IMPG1: variants seen among roughly 807,000 people sequenced by gnomAD.
The protein encoded by IMPG1 is interphotoreceptor matrix proteoglycan of 150 kDa.
Under a neutral mutation model 92.0 loss-of-function variants are expected in IMPG1, and 85 were observed. That is an observed-to-expected ratio of 0.92 (90% CI 0.78 to 1.11). The LOEUF is 1.11. IMPG1 is among the 50% of genes least tolerant of loss of function. The pLI is 0.00. For missense variants in IMPG1, 1,022 were observed against 956.0 expected (o/e 1.07, Z -0.91); for synonymous variants, 367 against 334.1 (o/e 1.10, Z -1.08).
intron 4 of IMPG1, among the ~76,000 whole-genome samples, chr6:76,029,923 C>T (rs1395549411): frequency 6.6e-6 from 1 of 152,088 alleles, no homozygotes; most frequent in African/African-American, 2.4e-5. Flanking sequence ...GTCCATGTAA[C>T]CCCCCGAGAC....
chr6:76,042,605 T>G (rs1783865263), intron 1 of IMPG1, among the ~76,000 whole-genome samples: 1 of 152,078 alleles, frequency 6.6e-6, no homozygotes, highest in African/African-American at 2.4e-5. Context: ...CCCTAGGAAT[T>G]CTATATGGGC....
intron 13 of IMPG1, among the ~76,000 whole-genome samples, chr6:75,948,467 G>A (rs1781967787): frequency 1.3e-5 from 2 of 152,012 alleles, no homozygotes. Flanking sequence ...ATTTGCCCCT[G>A]TCCCCACCCC....
At chr6:76,046,917 A>G (rs192512356) in intron 1 of IMPG1, among the ~76,000 whole-genome samples, 1 of 152,330 alleles carries the variant, frequency 6.6e-6, no homozygotes, top group Non-Finnish European at 1.5e-5. Flanking sequence ...GTAGAATAAC[A>G]TTTTATAAAT....
chr6:75,979,068 ATACC>A (rs1481782178), intron 12 of IMPG1, among the ~76,000 whole-genome samples: 2 of 151,644 alleles, frequency 1.3e-5, no homozygotes, highest in African/African-American at 4.8e-5. Flanking sequence ...GTGTGCCACC[ATACC>A]TACCTATTTT....
chr6:76,028,318 T>G (rs936874231), intron 4 of IMPG1, among the ~76,000 whole-genome samples: 2 of 152,192 alleles, frequency 1.3e-5, no homozygotes, highest in African/African-American at 4.8e-5. Context: ...CGCAAATACA[T>G]GATTCTGTTA....
At chr6:76,018,390 A>G (rs1317702792) in intron 7 of IMPG1, among the ~76,000 whole-genome samples, 1 of 152,208 alleles carries the variant, frequency 6.6e-6, no homozygotes, top group Non-Finnish European at 1.5e-5. Flanking sequence ...TTAGGCTACT[A>G]TTGACCTTCT....
intron 12 of IMPG1, among the ~76,000 whole-genome samples, chr6:75,953,630 T>C (rs1488846969): frequency 6.6e-6 from 1 of 151,996 alleles, no homozygotes; most frequent in Non-Finnish European, 1.5e-5. Context: ...ATTTTTATTA[T>C]ACTTTAAGTT....
At chr6:76,071,276 A>C (rs1294923367) in intron 1 of IMPG1, among the ~76,000 whole-genome samples, 1 of 150,358 alleles carries the variant, frequency 6.7e-6, no homozygotes, top group East Asian at 1.9e-4. Context: ...AATGTAACAA[A>C]AAATTTAACA....
intron 12 of IMPG1, among the ~76,000 whole-genome samples, chr6:75,993,442 G>T (rs967080127): frequency 2.0e-5 from 3 of 151,838 alleles, no homozygotes; most frequent in Non-Finnish European, 4.4e-5. Context: ...TCCTCTAGTT[G>T]TATCCCCACA....
In IMPG1 at chr6:75,923,634, C is replaced by T. The variant is rs771935979; in HGVS notation, c.2316G>A (p.Lys772=). Residue 772 remains lysine (K), a splice_region_variant and synonymous_variant, in exon 16 of 17, where the codon AAG becomes AAA. Coordinates refer to ENST00000369950, the MANE Select transcript of IMPG1 (RefSeq NM_001563.4). The stretch of plus-strand genomic sequence containing the variant: ...ACCAACTTAGAAAGTATGATTTTAC[C>T]TTGTTATTTTGTTGATTTTGGAACT... ...VKKFQNQQNN[K]VISKRNSELL... is the part of the protein sequence containing the mutation. 2.7e-6 allele frequency: 4 copies of T among 1,466,552 alleles called. No homozygotes were observed. The highest frequency in any genetic ancestry group is 3.8e-6 in the Non-Finnish European group (4 of 1,048,226). The allele number at this position is 1,466,552 out of a possible 1,614,324, so 90.8% of individuals were successfully genotyped here. A position where few individuals can be genotyped will look rare whatever the true frequency, so the allele number is the denominator to read the frequency against.
At chr6:75,976,626 C>A (rs73466816) in intron 12 of IMPG1, among the ~76,000 whole-genome samples, 1,531 of 151,876 alleles carry the variant, frequency 0.01, 33 homozygotes, top group African/African-American at 0.035. Flanking sequence ...ATATTAGAAT[C>A]CTTGGCCAGG....
intron 12 of IMPG1, among the ~76,000 whole-genome samples, chr6:75,993,143 G>GTGTTGTTAATTAGTTATTAACAACTATT (rs1433798163): frequency 2.0e-5 from 3 of 152,000 alleles, no homozygotes; most frequent in Non-Finnish European, 4.4e-5. Context: ...GGAAATTCTG[G>GTGTTGTTAATTAGTTATTAACAACTATT]TGTTGTTAAT....
intron 11 of IMPG1, 34 bp downstream of exon 11, chr6:76,003,840 T>C: frequency 6.6e-7 from 1 of 1,512,554 alleles, no homozygotes; most frequent in East Asian, 2.3e-5. Context: ...GAGACTTTGT[T>C]CCTAGTTAAA....
chr6:75,924,425 A>G (rs868212806), intron 15 of IMPG1, among the ~76,000 whole-genome samples: 21 of 115,724 alleles, frequency 1.8e-4, no homozygotes, highest in African/African-American at 5.3e-4. Context: ...TATATAATAT[A>G]TAATTAATAT....
intron 12 of IMPG1, among the ~76,000 whole-genome samples, chr6:75,992,841 C>G (rs527576055): frequency 6.6e-6 from 1 of 152,258 alleles, no homozygotes; most frequent in East Asian, 1.9e-4. Context: ...CACGAAAGTC[C>G]TTTATACCCT....
chr6:76,011,586 T>C (rs925224550), intron 7 of IMPG1, among the ~76,000 whole-genome samples: 7 of 152,110 alleles, frequency 4.6e-5, no homozygotes, highest in African/African-American at 1.7e-4. Context: ...ATTTTATTTA[T>C]TTATTTTTTT....
intron 12 of IMPG1, among the ~76,000 whole-genome samples, chr6:76,000,358 C>G (rs1478801713): frequency 6.6e-6 from 1 of 152,120 alleles, no homozygotes; most frequent in Non-Finnish European, 1.5e-5. Flanking sequence ...GTGTGATCAC[C>G]ACCTCAATCT....
intron 1 of IMPG1, among the ~76,000 whole-genome samples, chr6:76,044,279 T>C (rs1783894830): frequency 6.6e-6 from 1 of 152,196 alleles, no homozygotes. Flanking sequence ...TGCAATAAAC[T>C]TGTCATAGTA....
Position 76,025,191 on chromosome 6 carries a change from T to C in IMPG1, c.562+3A>G, listed in dbSNP as rs748069096. On this transcript the variant is annotated splice_donor_region_variant and intron_variant, in intron 5 of 16. Transcript: ENST00000369950. ...GAAGCAAAGAAATTAGATCTAAGCT[T>C]ACCTGTTGAAATGACAATGGTTTCA... The C allele has an allele frequency of 6.4e-7, 1 of 1,571,426 alleles. No homozygotes were observed. Among genetic ancestry groups the C allele is most frequent in the Non-Finnish European group, 8.7e-7 (1 of 1,143,308 alleles).
Sources: gnomAD v4.1 joint callset for allele counts (sites outside exome capture counted in the v4.1 genomes callset) on GRCh38, gnomAD v4.1.1 for gene constraint, MANE v1.5 for transcripts, NCBI Gene and HGNC (gene_info 2026-07-23, HGNC 2026-07-21) for gene names.